ELOVL5: variants seen among roughly 807,000 people sequenced by gnomAD.
ELOVL5 encodes the protein very long chain fatty acid elongase 5.
ELOVL5 carries 8 observed loss-of-function variants against 38.6 expected under a neutral mutation model. That is an observed-to-expected ratio of 0.21 (90% CI 0.12 to 0.37). The LOEUF (loss-of-function observed/expected upper bound fraction) is 0.37, where lower values mean the gene tolerates loss of function less well. ELOVL5 is among the 10% of genes least tolerant of loss of function. The probability of loss-of-function intolerance (pLI) is 1.00; values close to 1 mark genes in which losing one functional copy is unlikely to be tolerated. For missense variants in ELOVL5, 280 were observed against 367.8 expected, an observed-to-expected ratio of 0.76 and a Z score of 1.95; for synonymous variants, 127 against 133.7, an observed-to-expected ratio of 0.95 and a Z score of 0.34.
At chr6:53,277,242 G>A (rs1323806630) in intron 3 of ELOVL5, among the ~76,000 whole-genome samples, 1 of 151,866 alleles carries the variant, frequency 6.6e-6, no homozygotes, top group South Asian at 2.1e-4. Context: ...GGGTGTAGCC[G>A]CTGCACTCAC....
At chr6:53,293,295 A>G (rs1234946084) in intron 2 of ELOVL5, among the ~76,000 whole-genome samples, 1 of 151,990 alleles carries the variant, frequency 6.6e-6, no homozygotes, top group African/African-American at 2.4e-5. Context: ...AGCCTTTGCC[A>G]TTTCTTTAAT....
chr6:53,307,571 G>A (rs1451950724), intron 1 of ELOVL5, among the ~76,000 whole-genome samples: 1 of 152,226 alleles, frequency 6.6e-6, no homozygotes, highest in African/African-American at 2.4e-5. Flanking sequence ...GGCATAAACT[G>A]GAGTTCCCTG....
At position 53,348,945 on chromosome 6, in the gene ELOVL5, G is replaced by T; in HGVS notation, c.-137C>A. On this transcript the variant is annotated 5_prime_UTR_variant, in exon 1 of 8. Coordinates refer to ENST00000304434, the MANE Select transcript of ELOVL5 (RefSeq NM_021814.5). ...CCGGTGGCTAGGACCCGCGCGATGG[G>T]AAGAGGAAGGCGCCGGCTATCTACA... The T allele has an allele frequency of 2.3e-6, 1 of 429,806 alleles. No individual in the cohort carries two copies. Among genetic ancestry groups the T allele is most frequent in the South Asian group, 1.6e-5 (1 of 62,492 alleles). The allele number at this position is 429,806 out of a possible 1,614,324, so 26.6% of individuals were successfully genotyped here.
At chr6:53,276,701 G>T (rs1250236413) in intron 3 of ELOVL5, among the ~76,000 whole-genome samples, 1 of 152,064 alleles carries the variant, frequency 6.6e-6, no homozygotes, top group Non-Finnish European at 1.5e-5. Flanking sequence ...GTCCCTGGGG[G>T]TGTTTCTGTT....
chr6:53,277,736 C>G (rs999212802), intron 3 of ELOVL5: 1 of 152,216 alleles, frequency 6.6e-6, no homozygotes, highest in Non-Finnish European at 1.5e-5. Context: ...GCAGGCTGAT[C>G]AGAAGTCCTA....
chr6:53,273,606 C>A (rs745867898), intron 5 of ELOVL5, among the ~76,000 whole-genome samples: 3 of 152,252 alleles, frequency 2.0e-5, no homozygotes, highest in Non-Finnish European at 4.4e-5. Context: ...GAAGCCACGA[C>A]GCCATCCCAG....
chr6:53,284,682 C>A (rs556898964), intron 3 of ELOVL5, among the ~76,000 whole-genome samples: 19 of 152,326 alleles, frequency 1.2e-4, no homozygotes, highest in African/African-American at 4.3e-4. Context: ...GGCAACTCTG[C>A]ATTAAGCAAC....
intron 2 of ELOVL5, among the ~76,000 whole-genome samples, chr6:53,293,672 GT>G (rs1052632419): frequency 2.0e-5 from 3 of 152,114 alleles, no homozygotes; most frequent in Non-Finnish European, 2.9e-5. Context: ...CTCTCCAGTC[GT>G]TTTCACCTTG....
At chr6:53,346,332 CCAAGTCTTTGCTATTGTAAA>C (rs1306580072) in intron 1 of ELOVL5, among the ~76,000 whole-genome samples, 1 of 152,076 alleles carries the variant, frequency 6.6e-6, no homozygotes, top group African/African-American at 2.4e-5. Flanking sequence ...TGAGTTGGTT[CCAAGTCTTTGCTATTGTAAA>C]TGGTGCTGCA....
rs561485963 is a variant in ELOVL5 at position 53,278,941 on chromosome 6, C to A, written c.247-2685G>T. 3.3e-5 allele frequency among the ~76,000 whole-genome samples: 5 copies of A among 152,320 alleles called. No homozygotes were observed. The South Asian group carries it at 6.2e-4, about 19-fold the overall frequency. On this transcript the variant is annotated intron_variant, in intron 3 of 7. Transcript: ENST00000304434. Reference sequence around the variant, plus strand: ...GGTATTTAGTCTTCCACAACGTGGTCCCAAGCTTATCTTTCACTTCTCCCC... The same window carrying A: ...GGTATTTAGTCTTCCACAACGTGGTACCAAGCTTATCTTTCACTTCTCCCC...
At chr6:53,279,347 T>C (rs1206602025) in intron 3 of ELOVL5, among the ~76,000 whole-genome samples, 1 of 152,238 alleles carries the variant, frequency 6.6e-6, no homozygotes, top group Non-Finnish European at 1.5e-5. Context: ...GTTAAAATTC[T>C]ATTTTCTTCA....
chr6:53,269,310 GTTTTCTTT>G (rs745516640), intron 7 of ELOVL5, 40 bp from the exon 8 acceptor site: 12 of 1,522,532 alleles, frequency 7.9e-6, no homozygotes, highest in Admixed American at 2.1e-5. Context: ...AATGACCACA[GTTTTCTTT>G]ATAGGGAACT....
intron 1 of ELOVL5, among the ~76,000 whole-genome samples, chr6:53,304,069 CA>C (rs1208673957): frequency 6.6e-6 from 1 of 152,210 alleles, no homozygotes; most frequent in Non-Finnish European, 1.5e-5. Context: ...ATTATGGGAA[CA>C]AACTCTGCAA....
At chr6:53,277,231 T>C (rs1581922659) in intron 3 of ELOVL5, among the ~76,000 whole-genome samples, 1 of 151,668 alleles carries the variant, frequency 6.6e-6, no homozygotes, top group South Asian at 2.1e-4. Context: ...TGGCAAAAAA[T>C]GGGTGTAGCC....
At chr6:53,292,385 A>G (rs1355195375) in intron 2 of ELOVL5, among the ~76,000 whole-genome samples, 1 of 152,258 alleles carries the variant, frequency 6.6e-6, no homozygotes, top group African/African-American at 2.4e-5. Flanking sequence ...TGGCCAGCAC[A>G]TGCAGACTCA....
chr6:53,270,307 G>A (rs905756444), intron 7 of ELOVL5, among the ~76,000 whole-genome samples: 2 of 152,182 alleles, frequency 1.3e-5, no homozygotes, highest in Non-Finnish European at 2.9e-5. Context: ...CACCTCTCAC[G>A]TCTCTGCTGC....
chr6:53,270,747 G>A lies in ELOVL5; in HGVS notation c.622-20C>T, dbSNP rs1467691835. The A allele has an allele frequency of 1.9e-6, 3 of 1,614,018 alleles. No homozygotes were observed. The highest frequency in any genetic ancestry group is 3.3e-5 in the Admixed American group (2 of 60,010). ...CTGAAGCTAGGGGAACAGAGGGGAT[G>A]CAGCTGAACAGGGACAGTGCATGGA... On this transcript the variant is annotated intron_variant, in intron 6 of 7. Coordinates refer to ENST00000304434, the MANE Select transcript of ELOVL5 (RefSeq NM_021814.5).
At chr6:53,333,295 T>G (rs1180657908) in intron 1 of ELOVL5, among the ~76,000 whole-genome samples, 2 of 152,222 alleles carry the variant, frequency 1.3e-5, no homozygotes, top group Non-Finnish European at 2.9e-5. Flanking sequence ...ACTTGCAGAT[T>G]TCTCCCAACA....
chr6:53,287,775 T>C (rs908734480), intron 3 of ELOVL5: 1 of 1,174,284 alleles, frequency 8.5e-7, no homozygotes, highest in African/African-American at 1.5e-5. Context: ...AAGGCCGGAG[T>C]GCCTCCTTCT....
Sources: gnomAD v4.1 joint callset for allele counts (sites outside exome capture counted in the v4.1 genomes callset) on GRCh38, gnomAD v4.1.1 for gene constraint, MANE v1.5 for transcripts, NCBI Gene and HGNC (gene_info 2026-07-23, HGNC 2026-07-21) for gene names.